FOXP2: variants seen among roughly 807,000 people sequenced by gnomAD.
FOXP2 encodes forkhead box protein P2.
In FOXP2, 12 loss-of-function variants were observed where a neutral mutation model predicts 115.8. The observed-to-expected ratio is 0.10, with a 90% CI of 0.07 to 0.17. FOXP2 has a LOEUF of 0.17. FOXP2 is among the 10% of genes least tolerant of loss of function. The probability of loss-of-function intolerance (pLI) is 1.00; values close to 1 mark genes in which losing one functional copy is unlikely to be tolerated. For missense variants in FOXP2, 629 were observed against 843.5 expected (o/e 0.75, Z 3.15); for synonymous variants, 328 against 297.7 (o/e 1.10, Z -1.05).
At chr7:114,339,542 A>G (rs1269784973) in intron 2 of FOXP2, among the ~76,000 whole-genome samples, 2 of 151,110 alleles carry the variant, frequency 1.3e-5, no homozygotes, top group African/African-American at 2.4e-5. Flanking sequence ...TCATGGGTCC[A>G]ACAGAACATT....
chr7:114,458,403 GA>G (rs529254803), intron 2 of FOXP2, among the ~76,000 whole-genome samples: 219 of 148,056 alleles, frequency 1.5e-3, no homozygotes, highest in Middle Eastern at 3.5e-3. Context: ...AGGCAGGAAG[GA>G]AAAAAAAAAT....
intron 2 of FOXP2, among the ~76,000 whole-genome samples, chr7:114,356,418 G>C (rs752602758): frequency 1.1e-4 from 16 of 152,172 alleles, no homozygotes; most frequent in Non-Finnish European, 2.1e-4. Context: ...AGGCAGGAAA[G>C]CGGTCTCTCC....
At chr7:114,286,096 G>A (rs1031873319) in intron 1 of FOXP2, among the ~76,000 whole-genome samples, 5 of 151,678 alleles carry the variant, frequency 3.3e-5, no homozygotes. Context: ...GTGATAAGGT[G>A]CCCACTTTAC....
In FOXP2 at chr7:114,526,344, G is replaced by A. The variant is rs528976269; in HGVS notation, c.169-8273G>A. On this transcript the variant is annotated intron_variant, in intron 2 of 16. Transcript: ENST00000350908. ...ATACAAAAATTAGCTGGGCGTGGAGGCACGCGCCTGTAATCCCAGATACTC... is the reference window on the plus strand; with the variant it reads ...ATACAAAAATTAGCTGGGCGTGGAGACACGCGCCTGTAATCCCAGATACTC... 7.9e-5 allele frequency among the ~76,000 whole-genome samples: 12 copies of A among 151,214 alleles called. No individual in the cohort carries two copies. The East Asian group carries it at 2.4e-3, about 30-fold the overall frequency.
At chr7:114,486,268 A>T (rs1184811053) in intron 2 of FOXP2, among the ~76,000 whole-genome samples, 1 of 152,140 alleles carries the variant, frequency 6.6e-6, no homozygotes, top group African/African-American at 2.4e-5. Flanking sequence ...GGTGGCAGGC[A>T]AGAGCACATG....
At chr7:114,532,845 A>C (rs1052385657) in intron 2 of FOXP2, among the ~76,000 whole-genome samples, 3 of 151,928 alleles carry the variant, frequency 2.0e-5, no homozygotes, top group Non-Finnish European at 4.4e-5. Flanking sequence ...AATTTCAGAG[A>C]CACAGCCTGG....
chr7:114,249,902 AC>A (rs1795393619), intron 1 of FOXP2, among the ~76,000 whole-genome samples: 1 of 151,668 alleles, frequency 6.6e-6, no homozygotes, highest in African/African-American at 2.4e-5. Flanking sequence ...GCATTCATTA[AC>A]TAGTCATTTA....
At chr7:114,284,477 T>G (rs1384445200) in intron 1 of FOXP2, among the ~76,000 whole-genome samples, 2 of 152,338 alleles carry the variant, frequency 1.3e-5, no homozygotes, top group South Asian at 4.1e-4. Context: ...TCTTATTTTC[T>G]TTTTATGGCT....
At chr7:114,669,946 A>T (rs1448467619) in intron 16 of FOXP2, 1 of 152,020 alleles carries the variant, frequency 6.6e-6, no homozygotes, top group Non-Finnish European at 1.5e-5. Context: ...TATATTTTCA[A>T]ATGTTGTGTC....
At chr7:114,670,956 T>C (rs1807456660) in intron 16 of FOXP2, among the ~76,000 whole-genome samples, 1 of 152,152 alleles carries the variant, frequency 6.6e-6, no homozygotes, top group Admixed American at 6.5e-5. Context: ...ATTGCAAAAC[T>C]CTAAACATGA....
intron 2 of FOXP2, among the ~76,000 whole-genome samples, chr7:114,462,464 C>T (rs1481941745): frequency 5.4e-5 from 8 of 148,176 alleles, no homozygotes; most frequent in African/African-American, 2.0e-4. Flanking sequence ...CTCCGCCTCC[C>T]GAGTTCAAGC....
At chr7:114,617,004 T>C (rs1051257312) in intron 3 of FOXP2, among the ~76,000 whole-genome samples, 4 of 152,238 alleles carry the variant, frequency 2.6e-5, no homozygotes, top group African/African-American at 9.6e-5. Flanking sequence ...GAGGATCTCC[T>C]GAGCCCAAAA....
At chr7:114,173,125 G>T (rs1235462890) in intron 1 of FOXP2, among the ~76,000 whole-genome samples, 1 of 151,612 alleles carries the variant, frequency 6.6e-6, no homozygotes, top group Non-Finnish European at 1.5e-5. Flanking sequence ...ATTGTTCATG[G>T]TTTCTTTCCT....
At chr7:114,588,460 T>C (rs1320662863) in intron 3 of FOXP2, among the ~76,000 whole-genome samples, 1 of 152,238 alleles carries the variant, frequency 6.6e-6, no homozygotes, top group African/African-American at 2.4e-5. Context: ...ACACCTTTTA[T>C]AATTTTTATT....
chr7:114,465,773 G>A (rs1795773996), intron 2 of FOXP2, among the ~76,000 whole-genome samples: 1 of 152,152 alleles, frequency 6.6e-6, no homozygotes, highest in East Asian at 1.9e-4. Context: ...GTTACCAATT[G>A]AGTAGCCAGG....
chr7:114,173,861 GTCTA>G (rs1345154313), intron 1 of FOXP2, among the ~76,000 whole-genome samples: 1 of 151,862 alleles, frequency 6.6e-6, no homozygotes, highest in Non-Finnish European at 1.5e-5. Context: ...AATGCTTATA[GTCTA>G]TCTAAAACTT....
Position 114,378,867 on chromosome 7 carries a change from G to A in FOXP2, c.-10-47635G>A, listed in dbSNP as rs565554534. On this transcript the variant is annotated intron_variant, in intron 2 of 17. Coordinates refer to the FOXP2 transcript ENST00000634411. The stretch of plus-strand genomic sequence containing the variant: ...AAATTGATGTCTTCTTTAGATAAGC[G>A]TTTCTAACATCCATGATCAATTGTA... 2.5e-4 allele frequency among the ~76,000 whole-genome samples: 37 copies of A among 148,284 alleles called. 2 individuals are homozygous for A. In the South Asian group the frequency reaches 2.6e-3, roughly 10 times the overall value.
intron 2 of FOXP2, among the ~76,000 whole-genome samples, chr7:114,531,679 C>G (rs1584859723): frequency 2.0e-5 from 3 of 151,716 alleles, no homozygotes; most frequent in African/African-American, 7.3e-5. Context: ...GTTATTTTTT[C>G]TAAGAGTTTG....
intron 2 of FOXP2, among the ~76,000 whole-genome samples, chr7:114,496,661 A>G (rs1797333894): frequency 6.6e-6 from 1 of 152,186 alleles, no homozygotes; most frequent in Admixed American, 6.5e-5. Context: ...ACATTGAACT[A>G]GTTCCTACCC....
Sources: allele counts gnomAD v4.1 joint callset (sites outside exome capture counted in the v4.1 genomes callset), GRCh38; gene constraint gnomAD v4.1.1; transcripts MANE v1.5; gene names NCBI Gene and HGNC (gene_info 2026-07-23, HGNC 2026-07-21).